The following MTHFD2L variants were observed in gnomAD, a reference collection of about 807,000 sequenced individuals.
The protein encoded by MTHFD2L is bifunctional methylenetetrahydrofolate dehydrogenase/cyclohydrolase 2, mitochondrial.
In MTHFD2L, 29 loss-of-function variants were observed where a neutral mutation model predicts 34.9. The observed-to-expected ratio is 0.83, with a 90% confidence interval of 0.62 to 1.13. The LOEUF (loss-of-function observed/expected upper bound fraction) is 1.13. Ranked by LOEUF, MTHFD2L falls within the 50% of genes most tolerant of loss-of-function variation. The pLI is 0.00. For missense variants in MTHFD2L, 481 were observed against 446.5 expected (o/e 1.08, Z -0.70); for synonymous variants, 167 against 155.7 (o/e 1.07, Z -0.54).
intron 1 of MTHFD2L, among the ~76,000 whole-genome samples, chr4:74,133,489 G>A (rs1443519601): frequency 6.6e-6 from 1 of 151,902 alleles, no homozygotes; most frequent in Non-Finnish European, 1.5e-5. Flanking sequence ...TTTAAAGGTG[G>A]CCTTCATTTC....
intron 1 of MTHFD2L, among the ~76,000 whole-genome samples, chr4:74,158,821 G>A (rs1224555181): frequency 6.6e-6 from 1 of 152,144 alleles, no homozygotes; most frequent in East Asian, 1.9e-4. Context: ...ACCTCTGTCA[G>A]GTGATGAGAC....
upstream of MTHFD2L, among the ~76,000 whole-genome samples, chr4:74,120,310 T>C (rs905186997): frequency 1.3e-5 from 2 of 152,220 alleles, no homozygotes; most frequent in African/African-American, 4.8e-5. Context: ...TGATTCAGGT[T>C]GATGAGTCTA....
chr4:74,180,500 G>A (rs145120391), intron 3 of MTHFD2L, among the ~76,000 whole-genome samples: 1 of 152,010 alleles, frequency 6.6e-6, no homozygotes. Context: ...GCAATGTCTT[G>A]AGTAAAATAA....
intron 5 of MTHFD2L, among the ~76,000 whole-genome samples, chr4:74,208,897 C>T (rs1032135640): frequency 1.3e-4 from 20 of 152,202 alleles, no homozygotes; most frequent in East Asian, 3.9e-4. Context: ...GGACAAAGAC[C>T]AATCTTAACT....
At chr4:74,184,311 G>A (rs1429343732) in intron 3 of MTHFD2L, among the ~76,000 whole-genome samples, 2 of 152,134 alleles carry the variant, frequency 1.3e-5, no homozygotes, top group African/African-American at 2.4e-5. Flanking sequence ...GACACAGGGA[G>A]GTTAAAGCAA....
chr4:74,282,381 C>A (rs1747617041), intron 7 of MTHFD2L, among the ~76,000 whole-genome samples: 1 of 148,234 alleles, frequency 6.7e-6, no homozygotes, highest in African/African-American at 2.6e-5. Context: ...AGTGCCACAT[C>A]AAGAACTTTG....
At chr4:74,215,810 G>A (rs1168578844) in intron 5 of MTHFD2L, among the ~76,000 whole-genome samples, 2 of 151,822 alleles carry the variant, frequency 1.3e-5, no homozygotes, top group Non-Finnish European at 2.9e-5. Flanking sequence ...ACTAAATATA[G>A]GCATATTATT....
chr4:74,214,647 C>T (rs1019047081), intron 5 of MTHFD2L, among the ~76,000 whole-genome samples: 3 of 151,776 alleles, frequency 2.0e-5, no homozygotes, highest in African/African-American at 7.3e-5. Flanking sequence ...GTCTATTGAC[C>T]CCTGCTGCAA....
chr4:74,168,558 C>G (rs1727250318), intron 1 of MTHFD2L, among the ~76,000 whole-genome samples: 1 of 152,180 alleles, frequency 6.6e-6, no homozygotes, highest in African/African-American at 2.4e-5. Flanking sequence ...ATATCTTCTT[C>G]AACTAGAATA....
intron 7 of MTHFD2L, among the ~76,000 whole-genome samples, chr4:74,297,284 G>A (rs904639473): frequency 6.6e-6 from 1 of 151,976 alleles, no homozygotes; most frequent in Non-Finnish European, 1.5e-5. Context: ...ATAAGATTTG[G>A]TGATTGTTTA....
chr4:74,240,808 T>G (rs1741596530), intron 6 of MTHFD2L, among the ~76,000 whole-genome samples: 1 of 152,200 alleles, frequency 6.6e-6, no homozygotes, highest in Non-Finnish European at 1.5e-5. Context: ...TGTCATGTTG[T>G]TTTCTGCAGC....
At chr4:74,187,011 T>C (rs1731414784) in intron 3 of MTHFD2L, among the ~76,000 whole-genome samples, 1 of 152,134 alleles carries the variant, frequency 6.6e-6, no homozygotes, top group South Asian at 2.1e-4. Context: ...CACACTTATA[T>C]TGATAACTGA....
intron 5 of MTHFD2L, among the ~76,000 whole-genome samples, chr4:74,205,176 CAT>C (rs1165129775): frequency 6.6e-6 from 1 of 152,026 alleles, no homozygotes; most frequent in Non-Finnish European, 1.5e-5. Flanking sequence ...AGTATGATGA[CAT>C]GTATTATTAA....
chr4:74,198,569 A>G (rs1733881056), intron 3 of MTHFD2L, among the ~76,000 whole-genome samples: 1 of 152,184 alleles, frequency 6.6e-6, no homozygotes, highest in African/African-American at 2.4e-5. Flanking sequence ...TAGGTGATTT[A>G]AAAATGACTT....
chr4:74,172,572 A>G (rs561087371), intron 1 of MTHFD2L, among the ~76,000 whole-genome samples: 1 of 152,314 alleles, frequency 6.6e-6, no homozygotes, highest in East Asian at 1.9e-4. Context: ...ATACACTTTT[A>G]TGGTAAACTA....
At chr4:74,238,228 C>T (rs1243535086) in intron 6 of MTHFD2L, among the ~76,000 whole-genome samples, 1 of 152,076 alleles carries the variant, frequency 6.6e-6, no homozygotes, top group Non-Finnish European at 1.5e-5. Flanking sequence ...TGGTTACCTG[C>T]TTTAGGTGTG....
chr4:74,157,635 C>T (rs927249302), upstream of MTHFD2L: 3 of 456,728 alleles, frequency 6.6e-6, no homozygotes, highest in Admixed American at 2.3e-5. Flanking sequence ...TCCTTCTCCA[C>T]ACACCTTTGT....
intron 7 of MTHFD2L, among the ~76,000 whole-genome samples, chr4:74,282,206 T>C (rs1747586724): frequency 6.6e-6 from 1 of 152,138 alleles, no homozygotes; most frequent in Non-Finnish European, 1.5e-5. Context: ...TCTAATCTGA[T>C]TTTACTTCCG....
At chr4:74,198,748 GT>G in intron 3 of MTHFD2L, among the ~76,000 whole-genome samples, 1 of 152,226 alleles carries the variant, frequency 6.6e-6, no homozygotes. Flanking sequence ...ACTGAATGCA[GT>G]TATTAAAAGT....
Sources: allele counts gnomAD v4.1 joint callset (sites outside exome capture counted in the v4.1 genomes callset), GRCh38; gene constraint gnomAD v4.1.1; transcripts MANE v1.5; gene names NCBI Gene and HGNC (gene_info 2026-07-23, HGNC 2026-07-21).